Variants in KDM4B observed in about 807,000 individuals in gnomAD.
KDM4B encodes the protein lysine-specific demethylase 4B.
KDM4B carries 32 observed loss-of-function variants against 125.2 expected under a neutral mutation model. The ratio of observed to expected loss-of-function variants is 0.26; its 90% confidence interval spans 0.19 to 0.34. KDM4B has a LOEUF of 0.34. KDM4B is among the 10% of genes least tolerant of loss of function. KDM4B has a pLI of 1.00. For synonymous variants in KDM4B, 721 were observed against 677.9 expected, an observed-to-expected ratio of 1.06 and a Z score of -0.99; for missense variants, 1,190 against 1,577.7, an observed-to-expected ratio of 0.75 and a Z score of 4.16.
At chr19:5,091,155 C>A (rs553981926) in intron 9 of KDM4B, among the ~76,000 whole-genome samples, 1 of 152,244 alleles carries the variant, frequency 6.6e-6, no homozygotes, top group Non-Finnish European at 1.5e-5. Context: ...AGCACGCGGC[C>A]GGGCTGGCCC....
intron 1 of KDM4B, among the ~76,000 whole-genome samples, chr19:4,989,495 C>G (rs1343121813): frequency 6.6e-6 from 1 of 150,536 alleles, no homozygotes; most frequent in Non-Finnish European, 1.5e-5. Context: ...TGCACCACCA[C>G]GCCCAGCTAA....
At chr19:5,097,478 C>G (rs1004023529) in intron 9 of KDM4B, among the ~76,000 whole-genome samples, 17 of 152,228 alleles carry the variant, frequency 1.1e-4, no homozygotes, top group African/African-American at 4.1e-4. Flanking sequence ...GCCTTGAACT[C>G]CTGAGCTCAA....
At chr19:5,008,969 G>A (rs1164419006) in intron 1 of KDM4B, among the ~76,000 whole-genome samples, 1 of 145,902 alleles carries the variant, frequency 6.9e-6, no homozygotes, top group Non-Finnish European at 1.5e-5. Context: ...AGGCTGGAGT[G>A]CAGTGGCATG....
At position 5,110,752 on chromosome 19, in the gene KDM4B, T is replaced by C; in HGVS notation, c.1049T>C (p.Leu350Pro). ...CTGGACCACACGCGGCCCACGGCGCTCACCAGCCCCGAGCTGAGCTCCTGG... is the reference window on the plus strand; with the variant it reads ...CTGGACCACACGCGGCCCACGGCGCCCACCAGCCCCGAGCTGAGCTCCTGG... ...TVLDHTRPTA[L>P]TSPELSSWSA... Residue 350 changes from leucine (L) to proline (P), a missense_variant, in exon 10 of 23, where the codon CTC (leucine) becomes CCC (proline). By Grantham distance (98) the Leu-to-Pro change is moderately conservative (BLOSUM62 -3). Coordinates refer to ENST00000159111, the MANE Select transcript of KDM4B (RefSeq NM_015015.3). The C allele has an allele frequency of 6.2e-7, 1 of 1,610,914 alleles. No homozygotes were observed. Among genetic ancestry groups the C allele is most frequent in the Non-Finnish European group, 8.5e-7 (1 of 1,178,982 alleles).
chr19:5,109,879 C>G (rs1599205112), intron 9 of KDM4B, among the ~76,000 whole-genome samples: 1 of 152,240 alleles, frequency 6.6e-6, no homozygotes, highest in Admixed American at 6.5e-5. Flanking sequence ...CTTCCCAGCC[C>G]TCTTGGAACG....
chr19:5,135,431 G>A lies in KDM4B; in HGVS notation c.2178G>A (p.Pro726=), dbSNP rs749578585. Reference sequence around the variant, plus strand: ...CCAAAAGCCGTCAGAAGACCCGACCGCTCATCCCTGAGATGTGCTTCACCT... The same window carrying A: ...CCAAAAGCCGTCAGAAGACCCGACCACTCATCCCTGAGATGTGCTTCACCT... ...LPSKSRQKTR[P]LIPEMCFTSG... is the part of the protein sequence containing the mutation. Residue 726 remains proline, a synonymous_variant, in exon 15 of 23, where the codon CCG becomes CCA. Coordinates refer to ENST00000159111, the MANE Select transcript of KDM4B (RefSeq NM_015015.3). The A allele has an allele frequency of 1.5e-5, 24 of 1,613,478 alleles. No homozygotes were observed. Among genetic ancestry groups the A allele is most frequent in the East Asian group, 2.2e-5 (1 of 44,878 alleles).
chr19:5,089,779 A>G (rs187335404), intron 9 of KDM4B, among the ~76,000 whole-genome samples: 2 of 151,612 alleles, frequency 1.3e-5, no homozygotes, highest in Admixed American at 1.3e-4. Flanking sequence ...GGGGTCCGCC[A>G]TTCCTAGGTG....
intron 1 of KDM4B, among the ~76,000 whole-genome samples, chr19:5,002,868 T>C (rs1375114401): frequency 6.6e-6 from 1 of 152,140 alleles, no homozygotes; most frequent in Non-Finnish European, 1.5e-5. Flanking sequence ...GGAGGATTGC[T>C]TGAGCCCAGG....
chr19:4,974,902 C>T (rs2034392642), intron 1 of KDM4B, among the ~76,000 whole-genome samples: 1 of 151,840 alleles, frequency 6.6e-6, no homozygotes, highest in Non-Finnish European at 1.5e-5. Context: ...TGGCCTTGTC[C>T]TTCCTTCCTT....
chr19:5,007,268 C>T (rs1483019765), intron 1 of KDM4B, among the ~76,000 whole-genome samples: 4 of 152,222 alleles, frequency 2.6e-5, no homozygotes, highest in Admixed American at 2.6e-4. Flanking sequence ...CCACTGGCTC[C>T]TCTGTCATTT....
At chr19:5,113,399 C>CA (rs2039190934) in intron 10 of KDM4B, 1 of 150,606 alleles carries the variant, frequency 6.6e-6, no homozygotes, top group African/African-American at 2.5e-5. Context: ...ATGGGTGACT[C>CA]ACGTTCCAAA....
At chr19:5,129,897 T>C (rs911101293) in intron 11 of KDM4B, among the ~76,000 whole-genome samples, 1 of 152,174 alleles carries the variant, frequency 6.6e-6, no homozygotes, top group African/African-American at 2.4e-5. Context: ...GTGCCACAAC[T>C]TACCCTGAGT....
intron 6 of KDM4B, among the ~76,000 whole-genome samples, chr19:5,051,314 A>G (rs1000478438): frequency 3.3e-5 from 5 of 152,226 alleles, no homozygotes; most frequent in African/African-American, 1.2e-4. Flanking sequence ...TGCCTGGGAA[A>G]GTGCCCACTG....
At chr19:5,073,697 G>T (rs1168894914) in intron 7 of KDM4B, among the ~76,000 whole-genome samples, 2 of 152,230 alleles carry the variant, frequency 1.3e-5, no homozygotes, top group Non-Finnish European at 2.9e-5. Flanking sequence ...CTACCCTGAG[G>T]CCAGGCCAGG....
At chr19:5,084,530 TTATTTATATATTATA>T (rs2038418522) in intron 9 of KDM4B, among the ~76,000 whole-genome samples, 5 of 58,512 alleles carry the variant, frequency 8.5e-5, no homozygotes, top group Admixed American at 4.4e-4. Context: ...ATTATATATG[TTATTTATATATTATA>T]TATAATATAT....
chr19:5,110,842 G>A, intron 10 of KDM4B, 24 bp downstream of exon 10: 3 of 1,529,294 alleles, frequency 2.0e-6, no homozygotes, highest in African/African-American at 1.4e-5. Context: ...GGACTGCCGC[G>A]TGACTGCCCA....
chr19:5,045,798 C>T (rs577936567), intron 5 of KDM4B, among the ~76,000 whole-genome samples: 31 of 152,066 alleles, frequency 2.0e-4, no homozygotes, highest in South Asian at 1.5e-3. Flanking sequence ...TTAGTAGAGA[C>T]GAGGTGTTGT....
At chr19:5,116,235 T>TAAAAAA (rs35940660) in intron 10 of KDM4B, among the ~76,000 whole-genome samples, 2 of 40,388 alleles carry the variant, frequency 5.0e-5, no homozygotes, top group African/African-American at 7.9e-5. Flanking sequence ...ACCACATCTC[T>TAAAAAA]AAAAAAAAAA....
intron 9 of KDM4B, among the ~76,000 whole-genome samples, chr19:5,101,853 C>G (rs947318615): frequency 5.9e-5 from 9 of 152,216 alleles, no homozygotes; most frequent in African/African-American, 2.2e-4. Flanking sequence ...CCGGATTGCA[C>G]AGGGAGTAGC....
Sources: allele counts gnomAD v4.1 joint callset (sites outside exome capture counted in the v4.1 genomes callset), GRCh38; gene constraint gnomAD v4.1.1; transcripts MANE v1.5; gene names NCBI Gene and HGNC (gene_info 2026-07-23, HGNC 2026-07-21).